The following RASSF3 variants were observed in gnomAD, a reference collection of about 807,000 sequenced individuals.
RASSF3 encodes the protein ras association domain-containing protein 3.
Under a neutral mutation model 19.9 loss-of-function variants are expected in RASSF3, and 19 were observed. The observed-to-expected ratio is 0.96, with a 90% confidence interval of 0.67 to 1.40. RASSF3 has a LOEUF of 1.40. Among genes scored for constraint, RASSF3 ranks in the 40% most tolerant of loss-of-function variants. The pLI, the probability that RASSF3 is intolerant of heterozygous loss-of-function variation, is 0.00. For synonymous variants in RASSF3, 110 were observed against 104.2 expected (o/e 1.06, Z -0.34); for missense variants, 306 against 289.8 (o/e 1.06, Z -0.41).
At chr12:64,556,882 G>A (rs943513219) in intron 2 of RASSF3, among the ~76,000 whole-genome samples, 1 of 143,944 alleles carries the variant, frequency 6.9e-6, no homozygotes, top group African/African-American at 2.6e-5. Context: ...CGTCGCCCAG[G>A]CTGAAGTGCA....
chr12:64,509,964 G>A (rs1046932046), intron 1 of RASSF3, among the ~76,000 whole-genome samples: 2 of 151,940 alleles, frequency 1.3e-5, no homozygotes, highest in Non-Finnish European at 2.9e-5. Context: ...GCAACCACCT[G>A]TAATCGCAGC....
intron 2 of RASSF3, among the ~76,000 whole-genome samples, chr12:64,604,133 T>C (rs896748961): frequency 3.4e-5 from 5 of 148,956 alleles, no homozygotes; most frequent in South Asian, 2.1e-4. Context: ...GGTTTTCTTT[T>C]TTTTTTTTTT....
intron 1 of RASSF3, among the ~76,000 whole-genome samples, chr12:64,524,218 T>TTTTATTTATTTA (rs59842662): frequency 1.4e-4 from 19 of 137,790 alleles, no homozygotes; most frequent in East Asian, 2.1e-4. Context: ...TGCCCGGCAA[T>TTTTATTTATTTA]TTTATTTATT....
chr12:64,580,652 T>C (rs1051662387), intron 2 of RASSF3, among the ~76,000 whole-genome samples: 1 of 151,222 alleles, frequency 6.6e-6, no homozygotes, highest in African/African-American at 2.4e-5. Flanking sequence ...GATTCTGGAG[T>C]CTAGAAGCCC....
chr12:64,599,803 C>T (rs967414858), intron 2 of RASSF3, among the ~76,000 whole-genome samples: 1 of 151,822 alleles, frequency 6.6e-6, no homozygotes. Flanking sequence ...GAGGCTGAGG[C>T]GGGTGAATCA....
At chr12:64,685,685 G>A (rs1482910238) in intron 2 of RASSF3, among the ~76,000 whole-genome samples, 1 of 152,208 alleles carries the variant, frequency 6.6e-6, no homozygotes, top group Non-Finnish European at 1.5e-5. Flanking sequence ...TTTCTTCCAC[G>A]TCGCTGTCGC....
intron 1 of RASSF3, among the ~76,000 whole-genome samples, chr12:64,621,057 T>C (rs1226884535): frequency 4.6e-5 from 7 of 152,072 alleles, no homozygotes; most frequent in African/African-American, 1.7e-4. Flanking sequence ...TGCCTCAGCC[T>C]CCCAAGTAGC....
chr12:64,523,663 G>C (rs1378467776), intron 1 of RASSF3, among the ~76,000 whole-genome samples: 4 of 151,394 alleles, frequency 2.6e-5, no homozygotes. Flanking sequence ...GGAGGAAAAG[G>C]GCAAAAAAAT....
At chr12:64,627,244 T>C (rs1831258794) in intron 1 of RASSF3, among the ~76,000 whole-genome samples, 1 of 152,238 alleles carries the variant, frequency 6.6e-6, no homozygotes, top group Non-Finnish European at 1.5e-5. Flanking sequence ...TAAACAGTTT[T>C]TGAAAATGAA....
At chr12:64,546,263 GTTTTATTT>G (rs948227953), downstream of RASSF3, among the ~76,000 whole-genome samples, 1 of 151,828 alleles carries the variant, frequency 6.6e-6, no homozygotes, top group Non-Finnish European at 1.5e-5. Flanking sequence ...GTAATACATT[GTTTTATTT>G]ATTTATTTAT....
chr12:64,666,135 T>C (rs991196228), intron 1 of RASSF3, among the ~76,000 whole-genome samples: 6 of 152,256 alleles, frequency 3.9e-5, no homozygotes, highest in African/African-American at 1.4e-4. Context: ...TGCCTATTGC[T>C]CATATGTGTT....
chr12:64,657,738 T>C (rs944973644), intron 1 of RASSF3, among the ~76,000 whole-genome samples: 3 of 152,232 alleles, frequency 2.0e-5, no homozygotes, highest in African/African-American at 7.2e-5. Context: ...CAAGGCACTT[T>C]TAATCCAGAG....
chr12:64,545,885 AAAG>A (rs922295711), downstream of RASSF3, among the ~76,000 whole-genome samples: 1 of 151,980 alleles, frequency 6.6e-6, no homozygotes, highest in African/African-American at 2.4e-5. Flanking sequence ...CTCGAAGAAA[AAAG>A]AGAGAGACCA....
intron 2 of RASSF3, among the ~76,000 whole-genome samples, chr12:64,585,799 T>G (rs1869786554): frequency 6.6e-6 from 1 of 151,818 alleles, no homozygotes; most frequent in Non-Finnish European, 1.5e-5. Context: ...AGAGACAAGG[T>G]CTCACCACGT....
chr12:64,650,936 G>T (rs1871931539), intron 1 of RASSF3, among the ~76,000 whole-genome samples: 1 of 152,168 alleles, frequency 6.6e-6, no homozygotes, highest in Non-Finnish European at 1.5e-5. Context: ...ATGCGCGATT[G>T]TATGGCTGGC....
chr12:64,613,204 T>TAAGCCTTTTTC (rs1870431752), intron 1 of RASSF3, among the ~76,000 whole-genome samples: 1 of 140,688 alleles, frequency 7.1e-6, no homozygotes, highest in Non-Finnish European at 1.6e-5. Context: ...TAACGTTAGA[T>TAAGCCTTTTTC]AAGCCTTTTT....
intron 2 of RASSF3, among the ~76,000 whole-genome samples, chr12:64,569,289 C>G (rs1869480246): frequency 6.6e-6 from 1 of 152,268 alleles, no homozygotes; most frequent in Non-Finnish European, 1.5e-5. Context: ...TGGGCCAGAG[C>G]TCTTTGCACA....
At chr12:64,669,423 C>T (rs1872626202) in intron 1 of RASSF3, among the ~76,000 whole-genome samples, 1 of 151,972 alleles carries the variant, frequency 6.6e-6, no homozygotes. Flanking sequence ...AAGGATGTGG[C>T]TCTAGGCAGG....
chr12:64,527,684 CA>C (rs1420560754), intron 1 of RASSF3, among the ~76,000 whole-genome samples: 1 of 152,176 alleles, frequency 6.6e-6, no homozygotes, highest in Admixed American at 6.5e-5. Context: ...CCTGTAATCC[CA>C]GCATTTTGGG....
Sources: gnomAD v4.1 joint callset for allele counts (sites outside exome capture counted in the v4.1 genomes callset) on GRCh38, gnomAD v4.1.1 for gene constraint, MANE v1.5 for transcripts, NCBI Gene and HGNC (gene_info 2026-07-23, HGNC 2026-07-21) for gene names.